SHROOM2: variants seen among roughly 807,000 people sequenced by gnomAD.
SHROOM2 encodes protein Shroom2.
SHROOM2 carries 33 observed loss-of-function variants against 75.9 expected under a neutral mutation model. The observed-to-expected ratio is 0.43, with a 90% CI of 0.33 to 0.58. The LOEUF (loss-of-function observed/expected upper bound fraction) is 0.58. SHROOM2 is among the 20% of genes least tolerant of loss of function. The probability of loss-of-function intolerance (pLI) is 0.04; values close to 1 mark genes in which losing one functional copy is unlikely to be tolerated. For synonymous variants in SHROOM2, 655 were observed against 663.6 expected (o/e 0.99, Z 0.20); for missense variants, 1,434 against 1,461.2 (o/e 0.98, Z 0.30).
In SHROOM2 at chrX:9,896,394, CGCGGACA is replaced by C; in HGVS notation, c.2491_2497del (p.Thr831AlafsTer72). On this transcript the variant is annotated frameshift_variant, in exon 4 of 10. Coordinates refer to ENST00000380913, the MANE Select transcript of SHROOM2 (RefSeq NM_001649.4). LOFTEE classifies it high-confidence loss of function. Reference sequence around the variant, plus strand: ...ATCCCGAGAGACAAGCCAGAGAGGCCGCGGACAGCGGGCCGCACATGTGAGGGCACGG... The same window carrying C: ...ATCCCGAGAGACAAGCCAGAGAGGCCGCGGGCCGCACATGTGAGGGCACGG... 8.2e-7 allele frequency: 1 copy of C among 1,212,284 alleles called. No homozygotes were observed. Among genetic ancestry groups the C allele is most frequent in the Non-Finnish European group, 1.1e-6 (1 of 895,643 alleles).
intron 2 of SHROOM2, among the ~76,000 whole-genome samples, chrX:9,885,760 G>T (rs1313886705): frequency 1.8e-5 from 2 of 110,357 alleles, no homozygotes; most frequent in Non-Finnish European, 3.8e-5. Context: ...TGTGAGACCA[G>T]CCTGGGCAAC....
intron 2 of SHROOM2, among the ~76,000 whole-genome samples, chrX:9,881,786 C>G (rs1264685725): frequency 8.9e-6 from 1 of 112,140 alleles, no homozygotes; most frequent in African/African-American, 3.2e-5. Context: ...CTCAATGTTT[C>G]TTTGCTGTGC....
At chrX:9,902,198 G>C (rs1442445397) in intron 5 of SHROOM2, among the ~76,000 whole-genome samples, 2 of 110,127 alleles carry the variant, frequency 1.8e-5, no homozygotes, top group East Asian at 5.7e-4. Context: ...AGGGTAAGTG[G>C]TTGGATGGAC....
intron 1 of SHROOM2, among the ~76,000 whole-genome samples, chrX:9,823,150 T>TCCCTTCTCCTTC (rs2083867640): frequency 4.4e-5 from 2 of 45,752 alleles, no homozygotes; most frequent in Non-Finnish European, 8.7e-5. Flanking sequence ...CTTCTCCTTC[T>TCCCTTCTCCTTC]TCCTTCTTCT....
At chrX:9,893,101 T>C (rs1033815834) in intron 3 of SHROOM2, among the ~76,000 whole-genome samples, 4 of 110,352 alleles carry the variant, frequency 3.6e-5, no homozygotes, top group African/African-American at 1.3e-4. Context: ...TGTGATATTA[T>C]TATTATTATT....
At chrX:9,936,367 C>G (rs1463618244) in intron 6 of SHROOM2, among the ~76,000 whole-genome samples, 1 of 110,986 alleles carries the variant, frequency 9.0e-6, no homozygotes. Flanking sequence ...CCGCCTCGGC[C>G]TTCCAAAGTG....
chrX:9,878,492 G>T (rs2084213181), intron 2 of SHROOM2, among the ~76,000 whole-genome samples: 1 of 111,868 alleles, frequency 8.9e-6, no homozygotes, highest in Non-Finnish European at 1.9e-5. Context: ...ACTCATGTTT[G>T]CTAGGAGCTG....
intron 1 of SHROOM2, among the ~76,000 whole-genome samples, chrX:9,827,319 T>C (rs937334365): frequency 2.6e-4 from 25 of 94,468 alleles, no homozygotes; most frequent in African/African-American, 9.9e-4. Context: ...ACCACCCAGG[T>C]TCAACTGATC....
At chrX:9,903,182 C>G (rs1005140084) in intron 5 of SHROOM2, among the ~76,000 whole-genome samples, 5 of 111,905 alleles carry the variant, frequency 4.5e-5, no homozygotes, top group African/African-American at 1.6e-4. Flanking sequence ...GAATAAGTAA[C>G]AGAGATTTAT....
At chrX:9,856,695 G>A (rs2146781872) in intron 1 of SHROOM2, among the ~76,000 whole-genome samples, 1 of 111,953 alleles carries the variant, frequency 8.9e-6, no homozygotes, top group Non-Finnish European at 1.9e-5. Flanking sequence ...GCAAGAGGCT[G>A]TGCTGTTCCT....
At chrX:9,889,561 C>T (rs1441714848) in intron 2 of SHROOM2, among the ~76,000 whole-genome samples, 4 of 111,934 alleles carry the variant, frequency 3.6e-5, no homozygotes, top group African/African-American at 9.8e-5. Flanking sequence ...GCATTACCGA[C>T]ATCCATTGGG....
chrX:9,917,087 G>A (rs1238250449), intron 5 of SHROOM2, among the ~76,000 whole-genome samples: 14 of 111,438 alleles, frequency 1.3e-4, no homozygotes, highest in African/African-American at 9.8e-5. Context: ...CATCCATCTC[G>A]GAAGGCTGGT....
At chrX:9,814,154 A>G (rs2083806338) in intron 1 of SHROOM2, among the ~76,000 whole-genome samples, 1 of 111,699 alleles carries the variant, frequency 9.0e-6, no homozygotes, top group Non-Finnish European at 1.9e-5. Flanking sequence ...AAGCCTTTGG[A>G]TCCCTTCCTC....
chrX:9,894,861 C>A lies in SHROOM2; in HGVS notation c.953C>A (p.Pro318His), dbSNP rs771299894. Reference sequence around the variant, plus strand: ...GCACCATCATCCCCACCTCCTCCCCCTCCCCCTCTCCGCAGTGACAGCTTT... The same window carrying A: ...GCACCATCATCCCCACCTCCTCCCCATCCCCCTCTCCGCAGTGACAGCTTT... ...KKAPSSPPPP[P>H]PPLRSDSFAA... Residue 318 changes from proline (P) to histidine (H), a missense_variant, in exon 4 of 10, where the codon CCT (proline) becomes CAT (histidine). Physicochemically the swap from Pro to His is moderately conservative, Grantham distance 77. Coordinates refer to ENST00000380913, the MANE Select transcript of SHROOM2 (RefSeq NM_001649.4). 17 of 1,210,001 alleles carry A rather than the reference C, an allele frequency of 1.4e-5. No homozygotes were observed. In the South Asian group the frequency reaches 1.8e-4, roughly 13 times the overall value.
At chrX:9,891,901 G>A (rs768900088) in intron 3 of SHROOM2, among the ~76,000 whole-genome samples, 1,359 of 109,339 alleles carry the variant, frequency 0.012, 31 homozygotes, top group African/African-American at 0.043. Flanking sequence ...GTGCGCGTGC[G>A]TGCACACGCA....
chrX:9,849,565 G>A (rs952447221), intron 1 of SHROOM2, among the ~76,000 whole-genome samples: 5 of 111,440 alleles, frequency 4.5e-5, no homozygotes, highest in Non-Finnish European at 9.4e-5. Context: ...TCCCTCTGGG[G>A]TGATGGCAGG....
In SHROOM2 at chrX:9,909,062, G is replaced by C. The variant is rs150867401; in HGVS notation, c.2891+10772G>C. Among the ~76,000 whole-genome samples, 575 of 111,586 alleles carry C rather than the reference G, an allele frequency of 5.2e-3. 1 individual carries two copies. Among genetic ancestry groups the C allele is most frequent in the African/African-American group, 0.018 (547 of 30,758 alleles). ...GCTTTTCTCCAATAAAAGGAACCAG[G>C]GCTCCTCAGAGGAATGACTGAGTCT... On this transcript the variant is annotated intron_variant, in intron 5 of 9. Transcript: ENST00000380913.
intron 2 of SHROOM2, among the ~76,000 whole-genome samples, chrX:9,886,375 G>A (rs1030514660): frequency 8.0e-5 from 9 of 112,515 alleles, no homozygotes; most frequent in Admixed American, 2.8e-4. Context: ...TGTCCCCGCC[G>A]ATGGACACAT....
In SHROOM2 at chrX:9,898,234, G is replaced by A; in HGVS notation, c.2835G>A (p.Glu945=). The A allele has an allele frequency of 8.4e-7, 1 of 1,188,962 alleles. No individual in the cohort carries two copies. Among genetic ancestry groups the A allele is most frequent in the East Asian group, 3.0e-5 (1 of 32,839 alleles). The change falls in exon 5 of 10, where the codon GAG becomes GAA. Residue 945 remains glutamate (E), a synonymous_variant. Transcript: ENST00000380913. ...ELRRQAGDPG[E]PREELPSAVR... is the part of the protein sequence containing the mutation. Reference sequence around the variant, plus strand: ...GAAGGCAGGCAGGGGACCCCGGCGAGCCCAGAGAAGAGCTTCCCTCCGCAG... The same window carrying A: ...GAAGGCAGGCAGGGGACCCCGGCGAACCCAGAGAAGAGCTTCCCTCCGCAG...
Sources: allele counts gnomAD v4.1 joint callset (sites outside exome capture counted in the v4.1 genomes callset), GRCh38; gene constraint gnomAD v4.1.1; transcripts MANE v1.5; gene names NCBI Gene and HGNC (gene_info 2026-07-23, HGNC 2026-07-21).